Variants in OAS3 observed in about 807,000 individuals in gnomAD.
The protein encoded by OAS3 is 2'-5'-oligoadenylate synthase 3.
A neutral mutation model predicts 113.0 loss-of-function variants in OAS3; 107 were observed. That is an observed-to-expected ratio of 0.95 (90% CI 0.81 to 1.11). The LOEUF is 1.11. Ranked by LOEUF, OAS3 falls within the 50% of genes most tolerant of loss-of-function variation. OAS3 has a pLI of 0.00. For synonymous variants in OAS3, 552 were observed against 573.6 expected (o/e 0.96, Z 0.54); for missense variants, 1,258 against 1,389.1 (o/e 0.91, Z 1.50).
intron 8 of OAS3, 93 bp from the exon 9 acceptor site, chr12:112,962,559 T>A: frequency 7.0e-7 from 1 of 1,436,132 alleles, no homozygotes; most frequent in Non-Finnish European, 9.5e-7. Flanking sequence ...TGCGCTTCTA[T>A]TTTCTATATT....
At chr12:112,946,240 C>T (rs1292988304) in intron 3 of OAS3, among the ~76,000 whole-genome samples, 3 of 151,944 alleles carry the variant, frequency 2.0e-5, no homozygotes, top group Non-Finnish European at 4.4e-5. Context: ...TGGAGTAATC[C>T]CTCCCTGGTA....
At position 112,947,875 on chromosome 12, in the gene OAS3, T is replaced by C. The variant is rs940423691; in HGVS notation, c.876-71T>C. The C allele has an allele frequency of 2.9e-6, 4 of 1,374,294 alleles. No homozygotes were observed. In the African/African-American group the frequency reaches 4.5e-5, roughly 15 times the overall value. The allele number at this position is 1,374,294 out of a possible 1,614,324, so 85.1% of individuals were successfully genotyped here. A position where few individuals can be genotyped will look rare whatever the true frequency, so the allele number is the denominator to read the frequency against. ...CAGCTGGAAAGTAGCAGAGATGCGA[T>C]TGGAACCAGGTCCGTTTCACTCCAG... On this transcript the variant is annotated intron_variant, in intron 4 of 15. Transcript: ENST00000228928.
chr12:112,962,850 A>G lies in OAS3; in HGVS notation c.2032A>G (p.Thr678Ala), dbSNP rs1238724390. ...TGTCTACTGGACGGTCAACTATAGC[A>G]CTGAGGACCCAGCCATGAGAATGCA... ...LCVYWTVNYS[T>A]EDPAMRMHLL... is the part of the protein sequence containing the mutation. The change falls in exon 9 of 16, where the codon ACT becomes GCT. Residue 678 changes from threonine to alanine, a missense_variant. Transcript: ENST00000228928. 1.9e-6 allele frequency: 3 copies of G among 1,613,894 alleles called. No individual in the cohort carries two copies. The highest frequency in any genetic ancestry group is 2.5e-6 in the Non-Finnish European group (3 of 1,179,878).
rs1193636466 is a variant in OAS3 at position 112,963,492 on chromosome 12, G to A, written c.2229+35G>A. 2.1e-6 allele frequency: 3 copies of A among 1,458,586 alleles called. No homozygotes were observed. Among genetic ancestry groups the A allele is most frequent in the Non-Finnish European group, 2.7e-6 (3 of 1,097,888 alleles). 90.4% of individuals were successfully genotyped at this position (1,458,586 alleles called of 1,614,324 possible). A position where few individuals can be genotyped will look rare whatever the true frequency, so the allele number is the denominator to read the frequency against. ...AGGGTCCTGGGGGGCAGGGGGCCCT[G>A]CACCCTGCCTTCTAGTCAGGTTCCC... On this transcript the variant is annotated intron_variant, in intron 10 of 15. Coordinates refer to ENST00000228928, the MANE Select transcript of OAS3 (RefSeq NM_006187.4). The surrounding 1 kb of genome is among the most constrained non-coding windows in gnomAD (Gnocchi z 4.6).
intron 11 of OAS3, among the ~76,000 whole-genome samples, chr12:112,964,823 G>A (rs1593184811): frequency 6.6e-6 from 1 of 152,296 alleles, no homozygotes; most frequent in African/African-American, 2.4e-5. Context: ...CCAGAAAGGG[G>A]AACTTGTTTT....
chr12:112,956,421 G>A (rs909520250), intron 7 of OAS3, among the ~76,000 whole-genome samples: 3 of 152,050 alleles, frequency 2.0e-5, no homozygotes, highest in Non-Finnish European at 2.9e-5. Flanking sequence ...TCTTTTCATT[G>A]TGATGTTAGG....
chr12:112,964,961 A>G lies in OAS3; in HGVS notation c.2403+553A>G, dbSNP rs546284759. The stretch of plus-strand genomic sequence containing the variant: ...CTCTGGATGGCCAAGACTGGGTCAC[A>G]TGGTGAAGTGGCCCCCGCCTAGTCC... On this transcript the variant is annotated intron_variant, in intron 11 of 15. Transcript: ENST00000228928. Among the ~76,000 whole-genome samples, 4 of 152,334 alleles carry G rather than the reference A, an allele frequency of 2.6e-5. No individual in the cohort carries two copies. The East Asian group carries it at 5.8e-4, about 22-fold the overall frequency.
At chr12:112,941,447 A>G (rs2043678555) in intron 1 of OAS3, 123 bp from the exon 2 acceptor site, 3 of 1,064,282 alleles carry the variant, frequency 2.8e-6, no homozygotes, top group South Asian at 1.6e-5. Flanking sequence ...CGTGGCTTCA[A>G]TGCCTACAGC....
chr12:112,965,869 C>T lies in OAS3; in HGVS notation c.2529C>T (p.Ile843=), dbSNP rs2043928431. 1 of 1,613,580 alleles carries T rather than the reference C, an allele frequency of 6.2e-7. No homozygotes were observed. Among genetic ancestry groups the T allele is most frequent in the South Asian group, 1.1e-5 (1 of 90,984 alleles). Residue 843 remains isoleucine (I), a synonymous_variant, in exon 12 of 16, where the codon ATC becomes ATT. Coordinates refer to ENST00000228928, the MANE Select transcript of OAS3 (RefSeq NM_006187.4). ...GNKRAEIISE[I]RAQLEACQQE... ...AGCGGGCCGAGATCATCTCCGAGAT[C>T]CGAGCCCAGCTGGAGGCATGTCAAC...
chr12:112,950,704 TGGCCGGG>T lies in OAS3; in HGVS notation c.1388_1394del (p.Gly463AlafsTer4). 6.2e-7 allele frequency: 1 copy of T among 1,614,022 alleles called. No homozygotes were observed. Among genetic ancestry groups the T allele is most frequent in the Non-Finnish European group, 8.5e-7 (1 of 1,179,870 alleles). On this transcript the variant is annotated frameshift_variant, in exon 7 of 16. Transcript: ENST00000228928. LOFTEE classifies it high-confidence loss of function. ...TCTTCCCTCCACAGGGGGGCTCATT[TGGCCGGG>T]GCACAGACCTAAGGGATGGCTGTGA...
chr12:112,949,642 C>T (rs1013364261), intron 6 of OAS3, among the ~76,000 whole-genome samples: 6 of 152,194 alleles, frequency 3.9e-5, no homozygotes, highest in Admixed American at 2.0e-4. Context: ...ATTTGGCTCT[C>T]TCTCTCTCGC....
rs1020112691 is a variant in OAS3, at chr12:112,965,814, G to A, written c.2474G>A (p.Cys825Tyr). The A allele has an allele frequency of 2.1e-5, 34 of 1,613,820 alleles. No individual in the cohort carries two copies. Among genetic ancestry groups the A allele is most frequent in the Non-Finnish European group, 2.9e-5 (34 of 1,179,866 alleles). ...SDADLVVFLS[C>Y]FSQFTEQGNK... ...GCCGACCTCGTGGTGTTCCTCAGCT[G>A]CTTCAGCCAGTTCACTGAGCAGGGC... Residue 825 changes from cysteine to tyrosine, a missense_variant, in exon 12 of 16, where the codon TGC (cysteine) becomes TAC (tyrosine). Cys to Tyr is a radical substitution (Grantham distance 194, BLOSUM62 -2). Coordinates refer to ENST00000228928, the MANE Select transcript of OAS3 (RefSeq NM_006187.4).
chr12:112,961,763 G>T (rs2043889094), intron 8 of OAS3, among the ~76,000 whole-genome samples: 1 of 151,896 alleles, frequency 6.6e-6, no homozygotes, highest in Non-Finnish European at 1.5e-5. Context: ...CTACTCCAAG[G>T]CTTTTGGGTT....
rs180841394 is a variant in OAS3 at position 112,943,717 on chromosome 12, T to A, written c.461-759T>A. Among the ~76,000 whole-genome samples the A allele has an allele frequency of 7.1e-4, 108 of 152,152 alleles. 1 individual carries two copies. The highest frequency in any genetic ancestry group is 2.5e-3 in the African/African-American group (104 of 41,510). Reference sequence around the variant, plus strand: ...AGTGCCCAGTATGCAGTAAAAAAAATATATATTTTTTTCTAAGACAGAGTT... The same window carrying A: ...AGTGCCCAGTATGCAGTAAAAAAAAAATATATTTTTTTCTAAGACAGAGTT... On this transcript the variant is annotated intron_variant, in intron 2 of 15. Transcript: ENST00000228928.
In OAS3 at chr12:112,945,077, C is replaced by T. The variant is rs376619222; in HGVS notation, c.636+426C>T. Reference sequence around the variant, plus strand: ...CTGGAATCCCAGCACTTTGAGTGGCCGAGGCAGGTGGATCACTTGAGGTCA... The same window carrying T: ...CTGGAATCCCAGCACTTTGAGTGGCTGAGGCAGGTGGATCACTTGAGGTCA... On this transcript the variant is annotated intron_variant, in intron 3 of 15. Coordinates refer to ENST00000228928, the MANE Select transcript of OAS3 (RefSeq NM_006187.4). The T allele has an allele frequency of 9.4e-5, 26 of 277,928 alleles. No individual in the cohort carries two copies. In the East Asian group the frequency reaches 2.0e-3, roughly 21 times the overall value. 17.2% of individuals were successfully genotyped at this position (277,928 alleles called of 1,614,324 possible). A position where few individuals can be genotyped will look rare whatever the true frequency, so the allele number is the denominator to read the frequency against.
intron 15 of OAS3, 79 bp downstream of exon 15, chr12:112,969,834 A>G (rs1007881318): frequency 6.3e-7 from 1 of 1,593,736 alleles, no homozygotes; most frequent in Non-Finnish European, 8.6e-7. Context: ...CATGATTCCC[A>G]CTAAAGGGGC....
chr12:112,967,272 A>G (rs990953344), intron 12 of OAS3, 146 bp from the exon 13 acceptor site: 27 of 685,288 alleles, frequency 3.9e-5, no homozygotes, highest in Non-Finnish European at 6.1e-5. Flanking sequence ...TGTTCCACCT[A>G]AAAACACCCT....
At position 112,954,594 on chromosome 12, in the gene OAS3, C is replaced by T. The variant is rs575868957; in HGVS notation, c.1657+3619C>T. ...TACAGGCGTGAGCCACTGCGCCTGGCCCCATTTCTTGTTTTTGTCAGGTTT... is the reference window on the plus strand; with the variant it reads ...TACAGGCGTGAGCCACTGCGCCTGGTCCCATTTCTTGTTTTTGTCAGGTTT... On this transcript the variant is annotated intron_variant, in intron 7 of 15. Coordinates refer to ENST00000228928, the MANE Select transcript of OAS3 (RefSeq NM_006187.4). The surrounding 1 kb of genome is among the most constrained non-coding windows in gnomAD (Gnocchi z 4.0). Among the ~76,000 whole-genome samples the T allele has an allele frequency of 1.3e-5, 2 of 152,330 alleles. No homozygotes were observed. Among genetic ancestry groups the T allele is most frequent in the African/African-American group, 4.8e-5 (2 of 41,572 alleles).
Position 112,949,214 on chromosome 12 carries a change from G to T in OAS3, c.1374+9G>T. The stretch of plus-strand genomic sequence containing the variant: ...CCTCAAGAGTCAGTAAAGTGAGTTG[G>T]GCCAGTGGAGACACAGGGGGGACCC... On this transcript the variant is annotated intron_variant, in intron 6 of 15. Transcript: ENST00000228928. 6.4e-7 allele frequency: 1 copy of T among 1,573,982 alleles called. No homozygotes were observed.
Sources: gnomAD v4.1 joint callset for allele counts (sites outside exome capture counted in the v4.1 genomes callset) on GRCh38, gnomAD v4.1.1 for gene constraint, Gnocchi (gnomAD v3.1) non-coding constraint, MANE v1.5 for transcripts, NCBI Gene and HGNC (gene_info 2026-07-23, HGNC 2026-07-21) for gene names.